ACACB: variants seen among roughly 807,000 people sequenced by gnomAD.
ACACB encodes the protein acetyl-CoA carboxylase 2.
Under a neutral mutation model 278.8 loss-of-function variants are expected in ACACB, and 209 were observed. That is an observed-to-expected ratio of 0.75 (90% CI 0.67 to 0.84). ACACB has a LOEUF of 0.84. ACACB is among the 40% of genes least tolerant of loss of function. The probability of loss-of-function intolerance (pLI) is 0.00; values close to 1 mark genes in which losing one functional copy is unlikely to be tolerated. For synonymous variants in ACACB, 1,174 were observed against 1,285.6 expected (o/e 0.91, Z 1.86); for missense variants, 2,850 against 3,269.0 (o/e 0.87, Z 3.13).
rs139485150 is a variant in ACACB, at chr12:109,188,079, C to T, written c.2061C>T (p.Ala687=). Residue 687 remains alanine (A), a synonymous_variant, in exon 13 of 53, where the codon GCC becomes GCT. Transcript: ENST00000338432. ...SKNVWGYFSV[A]ATGGLHEFAD... is the part of the protein sequence containing the mutation. Reference sequence around the variant, plus strand: ...ACGTGTGGGGTTACTTCAGCGTGGCCGCTACTGGAGGCCTGCACGAGTTTG... The same window carrying T: ...ACGTGTGGGGTTACTTCAGCGTGGCTGCTACTGGAGGCCTGCACGAGTTTG... The T allele has an allele frequency of 4.5e-5, 72 of 1,613,594 alleles. No individual in the cohort carries two copies. The highest frequency in any genetic ancestry group is 3.3e-4 in the African/African-American group (25 of 74,916).
rs2284691 is a variant in ACACB at position 109,201,716 on chromosome 12, G to A, written c.2913+15G>A. On this transcript the variant is annotated intron_variant, in intron 19 of 52. Transcript: ENST00000338432. ...AAGTCCACCCGGTATGTGGCTCCACGGCCCAAGTGCTCTGGCTGGTGCAGG... is the reference window on the plus strand; with the variant it reads ...AAGTCCACCCGGTATGTGGCTCCACAGCCCAAGTGCTCTGGCTGGTGCAGG... 97,473 of 1,612,676 alleles carry A rather than the reference G, an allele frequency of 0.06. 4,807 individuals are homozygous for A. Among genetic ancestry groups the A allele is most frequent in the African/African-American group, 0.26 (19,264 of 74,900 alleles).
chr12:109,211,743 A>G (rs2045856825), intron 21 of ACACB, among the ~76,000 whole-genome samples: 1 of 152,220 alleles, frequency 6.6e-6, no homozygotes, highest in African/African-American at 2.4e-5. Context: ...CTTTATGAAT[A>G]CACTACCAAC....
intron 21 of ACACB, among the ~76,000 whole-genome samples, chr12:109,210,201 A>ATATATGTATATATACACACACGTGTG (rs2045720820): frequency 1.5e-4 from 2 of 13,578 alleles, no homozygotes; most frequent in Non-Finnish European, 3.0e-4. Flanking sequence ...GTGTATATGT[A>ATATATGTATATATACACACACGTGTG]TATATGTATA....
intron 4 of ACACB, among the ~76,000 whole-genome samples, 196 bp from the exon 5 acceptor site, chr12:109,171,609 C>T (rs932953247): frequency 1.3e-5 from 2 of 151,902 alleles, no homozygotes; most frequent in African/African-American, 2.4e-5. Context: ...CTCGGCCTCC[C>T]AAAGTGCTGG....
Position 109,188,171 on chromosome 12 carries a change from C to CTCTCTCCTTCCT in ACACB, c.2144+11_2144+12insTCTCCTTCCTTC. 1 of 1,356,042 alleles carries CTCTCTCCTTCCT rather than the reference C, an allele frequency of 7.4e-7. No individual in the cohort carries two copies. The highest frequency in any genetic ancestry group is 2.7e-5 in the East Asian group (1 of 36,394). The allele number at this position is 1,356,042 out of a possible 1,614,324, so 84.0% of individuals were successfully genotyped here. Reference sequence around the variant, plus strand: ...CGGGAAGAGGCCATTTCGTCAGTATCTCCTTCCTTCCTTCCTTCCTTCCTT... The same window carrying CTCTCTCCTTCCT: ...CGGGAAGAGGCCATTTCGTCAGTATCTCTCTCCTTCCTTCCTTCCTTCCTTCCTTCCTTCCTT... On this transcript the variant is annotated intron_variant, in intron 13 of 52. Coordinates refer to ENST00000338432, the MANE Select transcript of ACACB (RefSeq NM_001093.4).
chr12:109,222,624 G>C lies in ACACB; in HGVS notation c.3678+4G>C. The stretch of plus-strand genomic sequence containing the variant: ...AGTGGCCCTCAGAGCCCGGCAGGTA[G>C]GGTCTCAGGGTGCGGTCCCCACGAT... On this transcript the variant is annotated splice_donor_region_variant and intron_variant, in intron 25 of 52. Coordinates refer to ENST00000338432, the MANE Select transcript of ACACB (RefSeq NM_001093.4). 1 of 1,612,916 alleles carries C rather than the reference G, an allele frequency of 6.2e-7. No homozygotes were observed. Among genetic ancestry groups the C allele is most frequent in the South Asian group, 1.1e-5 (1 of 91,048 alleles).
At position 109,254,372 on chromosome 12, in the gene ACACB, G is replaced by T. The variant is rs766814438; in HGVS notation, c.6166+38G>T. On this transcript the variant is annotated intron_variant, in intron 44 of 52. Coordinates refer to ENST00000338432, the MANE Select transcript of ACACB (RefSeq NM_001093.4). ...GTATTTTGCCTAGGACCTGGTCTCG[G>T]GTTTCTTTCTAGGGCTTGAGACAAA... 8 of 1,572,918 alleles carry T rather than the reference G, an allele frequency of 5.1e-6. No individual in the cohort carries two copies. The Admixed American group carries it at 1.4e-4, about 27-fold the overall frequency.
intron 2 of ACACB, among the ~76,000 whole-genome samples, chr12:109,160,039 G>A (rs2043673025): frequency 6.6e-6 from 1 of 150,584 alleles, no homozygotes; most frequent in Admixed American, 6.6e-5. Flanking sequence ...GCAGTGAGCC[G>A]AGATGGTGCC....
intron 40 of ACACB, among the ~76,000 whole-genome samples, chr12:109,248,531 TCCAAAGG>T (rs1315267185): frequency 6.6e-6 from 1 of 151,636 alleles, no homozygotes. Flanking sequence ...AGTCCAAGAG[TCCAAAGG>T]CCGAAGAACC....
At chr12:109,245,514 G>T in intron 37 of ACACB, 112 bp from the exon 38 acceptor site, 1 of 1,126,192 alleles carries the variant, frequency 8.9e-7, no homozygotes, top group Non-Finnish European at 1.2e-6. Flanking sequence ...CAAAAAGAGA[G>T]AGTGAACTAC....
At position 109,187,879 on chromosome 12, in the gene ACACB, T is replaced by C. The variant is rs566136799; in HGVS notation, c.1981-120T>C. The C allele has an allele frequency of 1.5e-5, 17 of 1,115,790 alleles. No individual in the cohort carries two copies. In the Admixed American group the frequency reaches 2.0e-4, roughly 13 times the overall value. The allele number at this position is 1,115,790 out of a possible 1,614,324, so 69.1% of individuals were successfully genotyped here. ...GTAACAAGCGATATCAGTGTTCTAT[T>C]GACTACCCTAAGCTTTTGGTCAGCG... On this transcript the variant is annotated intron_variant, in intron 12 of 52. Coordinates refer to ENST00000338432, the MANE Select transcript of ACACB (RefSeq NM_001093.4).
chr12:109,201,379 G>A (rs878968716), intron 18 of ACACB, among the ~76,000 whole-genome samples, 188 bp from the exon 19 acceptor site: 1 of 152,128 alleles, frequency 6.6e-6, no homozygotes, highest in Admixed American at 6.5e-5. Flanking sequence ...CACTTGCCTG[G>A]CACTTAGCAG....
chr12:109,265,099 C>T lies in ACACB; in HGVS notation c.6943-11C>T. 6.3e-7 allele frequency: 1 copy of T among 1,598,228 alleles called. No homozygotes were observed. Among genetic ancestry groups the T allele is most frequent in the Middle Eastern group, 1.7e-4 (1 of 5,978 alleles). ...TCCCTTTCCGGGGATTCAAGCCTGG[C>T]TCGTCCACAGGACATCCTGGAGTGG... is the stretch of plus-strand genomic sequence containing the variant. On this transcript the variant is annotated splice_polypyrimidine_tract_variant and intron_variant, in intron 50 of 52. Coordinates refer to ENST00000338432, the MANE Select transcript of ACACB (RefSeq NM_001093.4).
chr12:109,187,288 T>G (rs1304478576), intron 12 of ACACB, among the ~76,000 whole-genome samples: 1 of 152,172 alleles, frequency 6.6e-6, no homozygotes, highest in Non-Finnish European at 1.5e-5. Flanking sequence ...ATTGGAAATC[T>G]AACCTGTCTT....
intron 44 of ACACB, 118 bp downstream of exon 44, chr12:109,254,452 C>G: frequency 9.8e-7 from 1 of 1,021,294 alleles, no homozygotes; most frequent in Non-Finnish European, 1.4e-6. Context: ...TTCTCATATC[C>G]CAGAGAGGTA....
intron 2 of ACACB, 74 bp downstream of exon 2, chr12:109,140,132 C>A: frequency 6.9e-7 from 1 of 1,449,016 alleles, no homozygotes; most frequent in South Asian, 1.5e-5. Flanking sequence ...CAACCTGTGC[C>A]CACCTTGATC....
chr12:109,115,989 C>T (rs2042395861), upstream of ACACB, among the ~76,000 whole-genome samples: 1 of 152,258 alleles, frequency 6.6e-6, no homozygotes, highest in African/African-American at 2.4e-5. Context: ...CTTTGTCCCA[C>T]ATGCCAGCCC....
intron 19 of ACACB, among the ~76,000 whole-genome samples, chr12:109,206,130 A>C (rs538497631): frequency 2.0e-5 from 3 of 152,116 alleles, no homozygotes; most frequent in Non-Finnish European, 4.4e-5. Flanking sequence ...TATAAAGCAA[A>C]ACAACAACAA....
At chr12:109,133,160 A>G (rs1479788423) in intron 1 of ACACB, among the ~76,000 whole-genome samples, 1 of 152,214 alleles carries the variant, frequency 6.6e-6, no homozygotes, top group East Asian at 1.9e-4. Context: ...TCCAACAGGA[A>G]TCAATGTAAA....
Sources: allele counts gnomAD v4.1 joint callset (sites outside exome capture counted in the v4.1 genomes callset), GRCh38; gene constraint gnomAD v4.1.1; transcripts MANE v1.5; gene names NCBI Gene and HGNC (gene_info 2026-07-23, HGNC 2026-07-21).